CCDC3: variants seen among roughly 807,000 people sequenced by gnomAD.
CCDC3 encodes coiled-coil domain containing 3, also known as coiled-coil domain-containing protein 3.
In CCDC3, 24 loss-of-function variants were observed where a neutral mutation model predicts 21.4. The observed-to-expected ratio is 1.12, with a 90% CI of 0.81 to 1.58. The LOEUF (loss-of-function observed/expected upper bound fraction) is 1.58, where lower values mean the gene tolerates loss of function less well. Among genes scored for constraint, CCDC3 ranks in the 40% most tolerant of loss-of-function variants. The pLI, the probability that CCDC3 is intolerant of heterozygous loss-of-function variation, is 0.00. For missense variants in CCDC3, 425 were observed against 360.9 expected (o/e 1.18, Z -1.44); for synonymous variants, 186 against 166.0 (o/e 1.12, Z -0.93).
chr10:13,004,501 G>T (rs1835902719), upstream of CCDC3, among the ~76,000 whole-genome samples: 1 of 151,996 alleles, frequency 6.6e-6, no homozygotes, highest in Admixed American at 6.5e-5. Flanking sequence ...GAAGCATTAT[G>T]GCAGGGAAGG....
chr10:13,081,179 A>T (rs965389764), intron 3 of CCDC3, among the ~76,000 whole-genome samples: 8 of 152,148 alleles, frequency 5.3e-5, no homozygotes, highest in African/African-American at 1.7e-4. Context: ...AAAAAAAAAA[A>T]AAATACCTAT....
intron 2 of CCDC3, among the ~76,000 whole-genome samples, chr10:12,977,783 A>G (rs535073): frequency 6.6e-6 from 1 of 151,996 alleles, no homozygotes; most frequent in Non-Finnish European, 1.5e-5. Context: ...TCAAGTTCCT[A>G]TTGTTCATGA....
intron 2 of CCDC3, among the ~76,000 whole-genome samples, chr10:12,944,088 C>A (rs1834877696): frequency 6.6e-6 from 1 of 152,136 alleles, no homozygotes; most frequent in Non-Finnish European, 1.5e-5. Flanking sequence ...AAAGTGACTC[C>A]AGTAGAGTAC....
intron 5 of CCDC3, among the ~76,000 whole-genome samples, chr10:13,026,751 T>C (rs1836222066): frequency 6.6e-6 from 1 of 152,224 alleles, no homozygotes; most frequent in African/African-American, 2.4e-5. Context: ...CTAGAGATTC[T>C]CAGTTTAATC....
chr10:12,968,697 A>G (rs903735632), intron 2 of CCDC3, among the ~76,000 whole-genome samples: 3 of 152,232 alleles, frequency 2.0e-5, no homozygotes, highest in Non-Finnish European at 4.4e-5. Context: ...TACAAGATGT[A>G]AACTGTGACA....
intron 2 of CCDC3, among the ~76,000 whole-genome samples, chr10:12,976,861 A>T (rs564475): frequency 0.57 from 86,838 of 152,016 alleles, 24,846 homozygotes; most frequent in South Asian, 0.67. Context: ...CTGGGTGTTT[A>T]ATGTGTCAGT....
intron 3 of CCDC3, among the ~76,000 whole-genome samples, chr10:13,083,332 G>A (rs1837065358): frequency 6.6e-6 from 1 of 152,214 alleles, no homozygotes; most frequent in South Asian, 2.1e-4. Context: ...AACAAGACAT[G>A]TTAAGAAAGT....
At chr10:12,967,668 G>C (rs185033674) in intron 2 of CCDC3, among the ~76,000 whole-genome samples, 70 of 152,114 alleles carry the variant, frequency 4.6e-4, no homozygotes, top group African/African-American at 1.0e-3. Flanking sequence ...AGGATTTATG[G>C]GACAACATCA....
chr10:12,954,530 G>A (rs1353565317), intron 2 of CCDC3, among the ~76,000 whole-genome samples: 1 of 152,116 alleles, frequency 6.6e-6, no homozygotes. Context: ...TCTGGTAGGG[G>A]CTCAGGAAGC....
intron 5 of CCDC3, among the ~76,000 whole-genome samples, chr10:13,026,250 C>T (rs1213032608): frequency 6.6e-6 from 1 of 152,090 alleles, no homozygotes; most frequent in Admixed American, 6.5e-5. Flanking sequence ...AAGGGTCACT[C>T]TCCCACCCAC....
chr10:12,949,108 G>A (rs757444043), intron 2 of CCDC3, among the ~76,000 whole-genome samples: 10 of 152,156 alleles, frequency 6.6e-5, no homozygotes, highest in Non-Finnish European at 1.3e-4. Context: ...GCTCCTGGGA[G>A]CAAACACTGC....
At chr10:12,906,637 C>T (rs146547771) in intron 2 of CCDC3, among the ~76,000 whole-genome samples, 1 of 152,210 alleles carries the variant, frequency 6.6e-6, no homozygotes, top group Non-Finnish European at 1.5e-5. Context: ...GGAGCCCACT[C>T]AGCCCCACCA....
intron 2 of CCDC3, among the ~76,000 whole-genome samples, chr10:12,915,456 T>A (rs1018784314): frequency 6.6e-6 from 1 of 152,226 alleles, no homozygotes; most frequent in African/African-American, 2.4e-5. Context: ...TTATTTTGAA[T>A]TCTTTGTCAG....
intron 3 of CCDC3, among the ~76,000 whole-genome samples, chr10:13,092,960 G>T (rs949317110): frequency 6.6e-6 from 1 of 151,834 alleles, no homozygotes; most frequent in African/African-American, 2.4e-5. Context: ...GGTATAAAAG[G>T]CACAGACAAT....
intron 2 of CCDC3, among the ~76,000 whole-genome samples, chr10:12,958,781 G>C (rs1239234178): frequency 6.6e-6 from 1 of 152,102 alleles, no homozygotes; most frequent in Non-Finnish European, 1.5e-5. Flanking sequence ...TCCTCGGCAG[G>C]TTCATCCTGT....
intron 5 of CCDC3, among the ~76,000 whole-genome samples, chr10:13,007,235 A>C (rs1044148840): frequency 7.9e-5 from 12 of 152,162 alleles, no homozygotes; most frequent in African/African-American, 2.9e-4. Flanking sequence ...GTGGCTGTGC[A>C]GGTCACACAT....
At chr10:12,898,737 C>T (rs1482112972) in intron 2 of CCDC3, 58 bp from the exon 3 acceptor site, 3 of 1,571,652 alleles carry the variant, frequency 1.9e-6, no homozygotes, top group Non-Finnish European at 2.6e-6. Context: ...TGCGCTGCGG[C>T]CAGGGGAGTC....
chr10:13,065,175 T>G (rs1836808238), intron 4 of CCDC3, among the ~76,000 whole-genome samples: 1 of 152,208 alleles, frequency 6.6e-6, no homozygotes, highest in South Asian at 2.1e-4. Context: ...TAAGAAGTAA[T>G]TTTTAATTAG....
chr10:13,052,095 C>G (rs1176521337), intron 4 of CCDC3, among the ~76,000 whole-genome samples: 1 of 152,080 alleles, frequency 6.6e-6, no homozygotes, highest in Admixed American at 6.5e-5. Context: ...CAAATTTTGG[C>G]TGGGCATGGC....
Sources: allele counts gnomAD v4.1 joint callset (sites outside exome capture counted in the v4.1 genomes callset), GRCh38; gene constraint gnomAD v4.1.1; transcripts MANE v1.5; gene names NCBI Gene and HGNC (gene_info 2026-07-23, HGNC 2026-07-21).